ESR1: variants seen among roughly 807,000 people sequenced by gnomAD.
The protein encoded by ESR1 is estrogen receptor 1.
In ESR1, 12 loss-of-function variants were observed where a neutral mutation model predicts 52.7. The observed-to-expected ratio is 0.23, with a 90% CI of 0.15 to 0.37. The LOEUF (loss-of-function observed/expected upper bound fraction) is 0.37. Among genes scored for constraint, ESR1 ranks in the 10% least tolerant of loss-of-function variants. The pLI, the probability that ESR1 is intolerant of heterozygous loss-of-function variation, is 1.00. For synonymous variants in ESR1, 305 were observed against 316.8 expected (o/e 0.96, Z 0.39); for missense variants, 584 against 779.7 (o/e 0.75, Z 2.99).
intron 6 of ESR1, among the ~76,000 whole-genome samples, chr6:152,113,526 C>G (rs954777920): frequency 1.3e-5 from 2 of 151,874 alleles, no homozygotes; most frequent in Non-Finnish European, 2.9e-5. Context: ...TGAGAAGTAA[C>G]GAACTGAGCT....
chr6:151,899,003 G>A (rs1796029337), intron 3 of ESR1, among the ~76,000 whole-genome samples: 1 of 151,410 alleles, frequency 6.6e-6, no homozygotes, highest in Non-Finnish European at 1.5e-5. Context: ...TCACCTCCCG[G>A]ACGGGGCGGC....
At chr6:151,902,366 G>C (rs1796820931) in intron 3 of ESR1, among the ~76,000 whole-genome samples, 1 of 152,080 alleles carries the variant, frequency 6.6e-6, no homozygotes, top group African/African-American at 2.4e-5. Flanking sequence ...ATATTCTATT[G>C]TCAAGTTAAA....
At chr6:152,051,489 A>ACCC (rs1449220478) in intron 5 of ESR1, among the ~76,000 whole-genome samples, 1 of 152,082 alleles carries the variant, frequency 6.6e-6, no homozygotes, top group Non-Finnish European at 1.5e-5. Flanking sequence ...CCTCCTCTTG[A>ACCC]CCTGGGACAC....
intron 6 of ESR1, among the ~76,000 whole-genome samples, chr6:152,115,476 T>C (rs1312904219): frequency 6.6e-6 from 1 of 152,144 alleles, no homozygotes; most frequent in East Asian, 1.9e-4. Flanking sequence ...CCAGATAGAT[T>C]ATAGACCTAC....
At chr6:151,807,402 C>T (rs1022783261), upstream of ESR1, 2 of 190,302 alleles carry the variant, frequency 1.1e-5, no homozygotes, top group African/African-American at 4.7e-5. Flanking sequence ...CCGTCTTTCG[C>T]GTTTATTTTA....
Position 151,819,237 on chromosome 6 carries a change from AC to A in ESR1, c.452+10874del, listed in dbSNP as rs1342093744. On this transcript the variant is annotated intron_variant, in intron 1 of 7. Coordinates refer to ENST00000206249, the MANE Select transcript of ESR1 (RefSeq NM_000125.4). ...TACAGCACCTTTTCCCGGTACCTTT[AC>A]TGTAATCACCAGATAATTCCTTTCA... 2.0e-5 allele frequency among the ~76,000 whole-genome samples: 3 copies of A among 152,144 alleles called. No homozygotes were observed. The East Asian group carries it at 5.8e-4, about 29-fold the overall frequency.
At chr6:151,976,158 A>G (rs1281429934) in intron 4 of ESR1, among the ~76,000 whole-genome samples, 1 of 152,030 alleles carries the variant, frequency 6.6e-6, no homozygotes, top group African/African-American at 2.4e-5. Flanking sequence ...TTTTTTTTTA[A>G]TGCTCAATAA....
intron 6 of ESR1, among the ~76,000 whole-genome samples, chr6:152,117,578 T>TTA (rs1306071478): frequency 9.2e-5 from 14 of 152,228 alleles, no homozygotes; most frequent in Admixed American, 7.2e-4. Context: ...TTTAGAAAGA[T>TTA]TATATCCAAG....
At chr6:151,870,565 G>A (rs1790766018) in intron 2 of ESR1, among the ~76,000 whole-genome samples, 1 of 152,172 alleles carries the variant, frequency 6.6e-6, no homozygotes, top group African/African-American at 2.4e-5. Context: ...TTTGCCATCT[G>A]CTAGCCAAGA....
At chr6:151,842,528 C>T (rs2128233717) in intron 1 of ESR1, 69 bp from the exon 2 acceptor site, 1 of 1,302,786 alleles carries the variant, frequency 7.7e-7, no homozygotes, top group Non-Finnish European at 1.1e-6. Context: ...AGTGGATCTG[C>T]TGCATCTCCC....
chr6:152,122,976 G>A (rs1260698726), intron 6 of ESR1, among the ~76,000 whole-genome samples: 2 of 152,138 alleles, frequency 1.3e-5, no homozygotes, highest in Non-Finnish European at 2.9e-5. Context: ...GAAAATAACT[G>A]CTCTATACAC....
chr6:151,718,190 T>A (rs1781195410), intron 2 of ESR1, among the ~76,000 whole-genome samples: 1 of 152,210 alleles, frequency 6.6e-6, no homozygotes, highest in Non-Finnish European at 1.5e-5. Context: ...AATATCTTGG[T>A]TGGTGAGAAT....
chr6:151,791,326 C>A (rs935816439), intron 2 of ESR1, among the ~76,000 whole-genome samples: 4 of 152,154 alleles, frequency 2.6e-5, no homozygotes, highest in Admixed American at 6.6e-5. Flanking sequence ...ATGAATAAGT[C>A]TCACGAGATC....
At chr6:151,920,669 A>C (rs970796713) in intron 3 of ESR1, among the ~76,000 whole-genome samples, 1 of 151,908 alleles carries the variant, frequency 6.6e-6, no homozygotes, top group African/African-American at 2.4e-5. Context: ...AATGCCTCCC[A>C]GTCTGAATTT....
chr6:151,711,111 T>G (rs1445101776), intron 2 of ESR1, among the ~76,000 whole-genome samples: 1 of 152,226 alleles, frequency 6.6e-6, no homozygotes, highest in Non-Finnish European at 1.5e-5. Flanking sequence ...TTCTAGATCC[T>G]TGAGAAATTG....
At chr6:151,797,509 G>T (rs1276377141) in intron 2 of ESR1, among the ~76,000 whole-genome samples, 1 of 152,174 alleles carries the variant, frequency 6.6e-6, no homozygotes. Flanking sequence ...GCAACAGAGT[G>T]AATTTTTGGT....
chr6:151,868,254 A>G (rs1437722543), intron 2 of ESR1, among the ~76,000 whole-genome samples: 1 of 152,022 alleles, frequency 6.6e-6, no homozygotes, highest in East Asian at 1.9e-4. Context: ...CAGCCTCCCA[A>G]GTAGCTGGGA....
intron 2 of ESR1, among the ~76,000 whole-genome samples, chr6:151,739,349 A>G (rs1782908185): frequency 6.6e-6 from 1 of 152,182 alleles, no homozygotes; most frequent in South Asian, 2.1e-4. Flanking sequence ...CATTGTAATA[A>G]TCTCAGTCAA....
At position 152,048,224 on chromosome 6, in the gene ESR1, T is replaced by C. The variant is rs546210961; in HGVS notation, c.1236-12767T>C. ...TCTCTATTAAAAATACAAAAAAATT[T>C]AGCCAGGCGTGGTGGCATGTGCCTG... On this transcript the variant is annotated intron_variant, in intron 5 of 7. Coordinates refer to ENST00000206249, the MANE Select transcript of ESR1 (RefSeq NM_000125.4). Among the ~76,000 whole-genome samples, 4 of 151,832 alleles carry C rather than the reference T, an allele frequency of 2.6e-5. No homozygotes were observed. In the South Asian group the frequency reaches 8.3e-4, roughly 32 times the overall value.
Sources: allele counts gnomAD v4.1 joint callset (sites outside exome capture counted in the v4.1 genomes callset), GRCh38; gene constraint gnomAD v4.1.1; transcripts MANE v1.5; gene names NCBI Gene and HGNC (gene_info 2026-07-23, HGNC 2026-07-21).